MYLK: variants seen among roughly 807,000 people sequenced by gnomAD.
MYLK encodes the protein myosin light chain kinase, smooth muscle.
Under a neutral mutation model 203.4 loss-of-function variants are expected in MYLK, and 106 were observed. The ratio of observed to expected loss-of-function variants is 0.52; its 90% CI spans 0.45 to 0.61. MYLK has a LOEUF of 0.61. Ranked by LOEUF, MYLK falls within the 20% of genes least tolerant of loss-of-function variation. The probability of loss-of-function intolerance (pLI) is 0.00; values close to 1 mark genes in which losing one functional copy is unlikely to be tolerated. For missense variants in MYLK, 2,072 were observed against 2,442.3 expected (o/e 0.85, Z 3.20); for synonymous variants, 867 against 959.5 (o/e 0.90, Z 1.78).
intron 18 of MYLK, 96 bp downstream of exon 18, chr3:123,699,924 G>A: frequency 6.5e-7 from 1 of 1,528,192 alleles, no homozygotes; most frequent in Admixed American, 1.7e-5. Context: ...GCCTACCTAT[G>A]GGCTGCTAAC....
In MYLK at chr3:123,733,824, C is replaced by T. The variant is rs1364126369; in HGVS notation, c.1172G>A (p.Ser391Asn). Residue 391 changes from serine (S) to asparagine (N), a missense_variant, in exon 10 of 34, where the codon AGC becomes AAC. Physicochemically the swap from Ser to Asn is conservative, Grantham distance 46. Transcript: ENST00000360304. The stretch of plus-strand genomic sequence containing the variant: ...AGCAGCCTTGCTCACAACATCTTGG[C>T]TCCCCAGGCCAGGCTGCCTGGTGGG... ...TFPTRQPGLG[S>N]QDVVSKAANR... is the part of the protein sequence containing the mutation. 3 of 1,613,954 alleles carry T rather than the reference C, an allele frequency of 1.9e-6. No homozygotes were observed. Among genetic ancestry groups the T allele is most frequent in the Admixed American group, 3.3e-5 (2 of 60,010 alleles).
At chr3:123,794,527 T>C (rs2064913848) in intron 3 of MYLK, among the ~76,000 whole-genome samples, 1 of 152,134 alleles carries the variant, frequency 6.6e-6, no homozygotes, top group South Asian at 2.1e-4. Context: ...CCTCTGCTTA[T>C]AACTGAAGCC....
chr3:123,762,710 G>C (rs2063573400), intron 4 of MYLK, among the ~76,000 whole-genome samples: 1 of 152,176 alleles, frequency 6.6e-6, no homozygotes, highest in African/African-American at 2.4e-5. Flanking sequence ...AAAAGGGCTT[G>C]ACGGAGGTAG....
In MYLK at chr3:123,733,687, C is replaced by A. The variant is rs778260338; in HGVS notation, c.1309G>T (p.Val437Phe). ...ENQTVKFRCEVSGIPKPEVAW... is the reference protein window; with the variant it reads ...ENQTVKFRCEFSGIPKPEVAW... ...GGTGACCCTAATTACCTCTACTCACCTTCACATCTGAACTTGACAGTTTGA... is the reference window on the plus strand; with the variant it reads ...GGTGACCCTAATTACCTCTACTCACATTCACATCTGAACTTGACAGTTTGA... Residue 437 changes from valine to phenylalanine, a missense_variant and splice_region_variant, in exon 10 of 34, where the codon GTT (valine) becomes TTT (phenylalanine). Coordinates refer to ENST00000360304, the MANE Select transcript of MYLK (RefSeq NM_053025.4). 23 of 1,613,892 alleles carry A rather than the reference C, an allele frequency of 1.4e-5. No homozygotes were observed. The highest frequency in any genetic ancestry group is 1.8e-5 in the Non-Finnish European group (21 of 1,180,036).
intron 9 of MYLK, chr3:123,734,695 T>C (rs1286234186): frequency 6.3e-6 from 1 of 158,470 alleles, no homozygotes; most frequent in Non-Finnish European, 1.4e-5. Flanking sequence ...CTCCTGATCG[T>C]ACAGACATTG....
At position 123,740,056 on chromosome 3, in the gene MYLK, A is replaced by C. The variant is rs547758635; in HGVS notation, c.374-55T>G. 51 of 1,584,930 alleles carry C rather than the reference A, an allele frequency of 3.2e-5. No individual in the cohort carries two copies. The African/African-American group carries it at 6.3e-4, about 20-fold the overall frequency. ...CTGAGCCACCAACTTGGAGCAATGA[A>C]AGTAAAAAGATTCAACAGCAGGGGT... On this transcript the variant is annotated intron_variant, in intron 5 of 33. Transcript: ENST00000360304.
In MYLK at chr3:123,824,589, A is replaced by G. The variant is rs77830023; in HGVS notation, c.-4+6959T>C. ...CATTCTTTTCTGGGGAAGGGGACTG[A>G]ATTTTTCATAGAAACAATAACGTAA... On this transcript the variant is annotated intron_variant, in intron 3 of 33. Coordinates refer to ENST00000360304, the MANE Select transcript of MYLK (RefSeq NM_053025.4). Among the ~76,000 whole-genome samples, 90 of 152,254 alleles carry G rather than the reference A, an allele frequency of 5.9e-4. 2 individuals carry two copies. In the East Asian group the frequency reaches 0.01, roughly 17 times the overall value.
At chr3:123,847,501 C>T (rs2030176284) in intron 2 of MYLK, among the ~76,000 whole-genome samples, 1 of 152,006 alleles carries the variant, frequency 6.6e-6, no homozygotes, top group Non-Finnish European at 1.5e-5. Flanking sequence ...TGAAAGCGAG[C>T]CTGATGTTAC....
chr3:123,700,696 A>G lies in MYLK; in HGVS notation c.2772T>C (p.Asp924=). The G allele has an allele frequency of 1.2e-6, 2 of 1,614,020 alleles. No individual in the cohort carries two copies. The highest frequency in any genetic ancestry group is 1.7e-6 in the Non-Finnish European group (2 of 1,179,996). The change falls in exon 18 of 34, where the codon GAT becomes GAC. Residue 924 remains aspartate, a synonymous_variant. Coordinates refer to ENST00000360304, the MANE Select transcript of MYLK (RefSeq NM_053025.4). ...CTTGCCGCTGCAGGTTGGCACGGAA[A>G]TCCATCTGCTCGGCTGGGATCTCCT... ...DLKEIPAEQM[D]FRANLQRQVK...
At chr3:123,843,865 G>A (rs183670586) in intron 2 of MYLK, among the ~76,000 whole-genome samples, 2 of 152,238 alleles carry the variant, frequency 1.3e-5, no homozygotes, top group Non-Finnish European at 2.9e-5. Flanking sequence ...TGTCACTATG[G>A]CAACAAGGCT....
intron 18 of MYLK, among the ~76,000 whole-genome samples, chr3:123,693,202 C>A (rs910656997): frequency 6.6e-6 from 1 of 152,312 alleles, no homozygotes; most frequent in African/African-American, 2.4e-5. Context: ...GGCCCTGCCC[C>A]CTGGACGTCA....
intron 32 of MYLK, among the ~76,000 whole-genome samples, chr3:123,619,328 C>T (rs1371685186): frequency 6.6e-6 from 1 of 152,178 alleles, no homozygotes; most frequent in Admixed American, 6.5e-5. Context: ...TATCTCCTCC[C>T]TTCCCTTCAG....
chr3:123,846,553 CA>C (rs1050244555), intron 2 of MYLK, among the ~76,000 whole-genome samples: 46 of 152,246 alleles, frequency 3.0e-4, no homozygotes, highest in African/African-American at 1.1e-3. Flanking sequence ...CTCAGGTACA[CA>C]AGAAAGATTC....
intron 2 of MYLK, among the ~76,000 whole-genome samples, chr3:123,840,403 T>C (rs1267586373): frequency 6.7e-6 from 1 of 150,238 alleles, no homozygotes; most frequent in East Asian, 1.9e-4. Context: ...TGAATCCATA[T>C]ATATAGAACA....
At chr3:123,860,811 A>C (rs887367412) in intron 2 of MYLK, among the ~76,000 whole-genome samples, 1 of 152,178 alleles carries the variant, frequency 6.6e-6, no homozygotes, top group African/African-American at 2.4e-5. Context: ...AGTAAAATGC[A>C]TAGGGGGCCA....
chr3:123,668,898 T>C lies in MYLK; in HGVS notation c.3653-1711A>G, dbSNP rs72626348. 0.027 allele frequency among the ~76,000 whole-genome samples: 4,083 copies of C among 152,330 alleles called. 368 individuals are homozygous for C. In the East Asian group the frequency reaches 0.34, roughly 13 times the overall value. Reference sequence around the variant, plus strand: ...TTTTTGAGGCCAGGGACTTTTTTGGTTCACTGCTGTATATCAATGGGCCTG... The same window carrying C: ...TTTTTGAGGCCAGGGACTTTTTTGGCTCACTGCTGTATATCAATGGGCCTG... On this transcript the variant is annotated intron_variant, in intron 20 of 33. Coordinates refer to ENST00000360304, the MANE Select transcript of MYLK (RefSeq NM_053025.4).
intron 24 of MYLK, among the ~76,000 whole-genome samples, chr3:123,652,293 TA>T (rs539866148): frequency 0.037 from 5,256 of 143,276 alleles, 219 homozygotes; most frequent in African/African-American, 0.11. Flanking sequence ...CCACTGAACT[TA>T]AAAAAAAAAA....
At chr3:123,649,137 A>G (rs1406585532) in intron 25 of MYLK, 25 bp downstream of exon 25, 1 of 1,613,776 alleles carries the variant, frequency 6.2e-7, no homozygotes, top group Admixed American at 1.7e-5. Context: ...CAAGAGCCTG[A>G]CCCGAAGACA....
At chr3:123,703,264 A>G (rs1397138250) in intron 16 of MYLK, among the ~76,000 whole-genome samples, 1 of 152,156 alleles carries the variant, frequency 6.6e-6, no homozygotes, top group Admixed American at 6.5e-5. Context: ...GGGTGCTGGC[A>G]CCCATTTGAA....
Sources: gnomAD v4.1 joint callset for allele counts (sites outside exome capture counted in the v4.1 genomes callset) on GRCh38, gnomAD v4.1.1 for gene constraint, MANE v1.5 for transcripts, NCBI Gene and HGNC (gene_info 2026-07-23, HGNC 2026-07-21) for gene names.